KHDC1: variants seen among roughly 807,000 people sequenced by gnomAD.
KHDC1 encodes KH domain containing 1, also known as KH homology domain-containing protein 1.
A neutral mutation model predicts 24.7 loss-of-function variants in KHDC1; 21 were observed. That is an observed-to-expected ratio of 0.85 (90% CI 0.60 to 1.23). KHDC1 has a LOEUF of 1.23. Among genes scored for constraint, KHDC1 ranks in the 50% most tolerant of loss-of-function variants. The probability of loss-of-function intolerance (pLI) is 0.00; values close to 1 mark genes in which losing one functional copy is unlikely to be tolerated. For synonymous variants in KHDC1, 98 were observed against 111.7 expected (o/e 0.88, Z 0.77); for missense variants, 274 against 298.5 (o/e 0.92, Z 0.61).
At chr6:73,264,035 C>T (rs991318895) in intron 2 of KHDC1, among the ~76,000 whole-genome samples, 1 of 152,050 alleles carries the variant, frequency 6.6e-6, no homozygotes, top group African/African-American at 2.4e-5. Flanking sequence ...CTTGTCTCTA[C>T]AAAAAATTTA....
At chr6:73,292,713 T>C in intron 1 of KHDC1, 1 of 747,078 alleles carries the variant, frequency 1.3e-6, no homozygotes, top group Non-Finnish European at 2.5e-6. Context: ...CTTCACTATT[T>C]GACTACAGCA....
intron 2 of KHDC1, among the ~76,000 whole-genome samples, chr6:73,248,343 C>T (rs559019522): frequency 6.6e-5 from 10 of 151,746 alleles, no homozygotes; most frequent in Non-Finnish European, 1.2e-4. Flanking sequence ...TACTTTAATC[C>T]GATGTTCCAC....
intron 1 of KHDC1, among the ~76,000 whole-genome samples, chr6:73,298,081 C>T (rs899744242): frequency 3.3e-5 from 5 of 152,068 alleles, no homozygotes; most frequent in African/African-American, 1.2e-4. Flanking sequence ...TTCCCAGCTA[C>T]TCAGGAGGCT....
chr6:73,263,960 A>G (rs1767034188), intron 2 of KHDC1, among the ~76,000 whole-genome samples: 1 of 152,198 alleles, frequency 6.6e-6, no homozygotes, highest in Admixed American at 6.5e-5. Context: ...ACACTTTGGG[A>G]GGCCAAAGAG....
intron 2 of KHDC1, among the ~76,000 whole-genome samples, chr6:73,271,397 C>T (rs1024972184): frequency 1.3e-5 from 2 of 151,426 alleles, no homozygotes; most frequent in African/African-American, 4.8e-5. Flanking sequence ...TTAGTAGACA[C>T]AGGGTTTCAC....
chr6:73,295,623 AT>A (rs1469549644), intron 1 of KHDC1, among the ~76,000 whole-genome samples: 1 of 151,950 alleles, frequency 6.6e-6, no homozygotes, highest in Admixed American at 6.6e-5. Context: ...AGGCGGGCGG[AT>A]TACCTGAGGT....
chr6:73,272,835 T>C (rs1212086730), intron 2 of KHDC1, among the ~76,000 whole-genome samples: 1 of 150,362 alleles, frequency 6.7e-6, no homozygotes, highest in Non-Finnish European at 1.5e-5. Flanking sequence ...GGCTGGATAA[T>C]TTTTTCTTTT....
At chr6:73,262,867 T>C (rs1451504106) in intron 2 of KHDC1, 1 of 985,908 alleles carries the variant, frequency 1.0e-6, no homozygotes, top group Non-Finnish European at 1.2e-6. Flanking sequence ...GAGGGCAGAA[T>C]TCAGGACTGA....
At chr6:73,279,206 A>C (rs1767357871) in intron 2 of KHDC1, among the ~76,000 whole-genome samples, 2 of 152,212 alleles carry the variant, frequency 1.3e-5, no homozygotes, top group South Asian at 4.1e-4. Flanking sequence ...CAGGAGTTCA[A>C]GACCACCTTG....
At chr6:73,304,828 G>A (rs978698710) in intron 1 of KHDC1, among the ~76,000 whole-genome samples, 4 of 152,058 alleles carry the variant, frequency 2.6e-5, no homozygotes, top group African/African-American at 7.2e-5. Context: ...TCTGGGATGC[G>A]TTTTCTTTGG....
At chr6:73,292,191 T>C in intron 1 of KHDC1, 1 of 1,497,420 alleles carries the variant, frequency 6.7e-7, no homozygotes, top group Non-Finnish European at 9.3e-7. Context: ...AGAACCACAG[T>C]TGTTGCACAA....
chr6:73,307,058 T>G (rs1167172430), intron 1 of KHDC1, among the ~76,000 whole-genome samples: 3 of 152,110 alleles, frequency 2.0e-5, no homozygotes, highest in East Asian at 1.9e-4. Flanking sequence ...AAGACACAAC[T>G]ACCTTTTGAA....
At chr6:73,283,701 C>T (rs1456771487) in intron 2 of KHDC1, among the ~76,000 whole-genome samples, 6 of 146,598 alleles carry the variant, frequency 4.1e-5, no homozygotes, top group East Asian at 2.0e-4. Flanking sequence ...AGTGCAGTGG[C>T]GCGATCTTGG....
intron 2 of KHDC1, among the ~76,000 whole-genome samples, chr6:73,264,602 G>C (rs990128084): frequency 6.6e-6 from 1 of 152,198 alleles, no homozygotes; most frequent in Non-Finnish European, 1.5e-5. Context: ...GCAACTGATG[G>C]ACAGGAATAG....
At chr6:73,307,879 G>T (rs1378667994) in intron 1 of KHDC1, among the ~76,000 whole-genome samples, 1 of 152,008 alleles carries the variant, frequency 6.6e-6, no homozygotes, top group Non-Finnish European at 1.5e-5. Flanking sequence ...TGGATGTGGG[G>T]TAGGCGACAG....
intron 2 of KHDC1, among the ~76,000 whole-genome samples, chr6:73,265,952 G>A (rs555888394): frequency 2.0e-5 from 3 of 152,126 alleles, no homozygotes; most frequent in Non-Finnish European, 4.4e-5. Flanking sequence ...GACGAGGTCT[G>A]GCTTTGTTAC....
chr6:73,285,414 C>G (rs2150696023), intron 2 of KHDC1, among the ~76,000 whole-genome samples: 1 of 152,016 alleles, frequency 6.6e-6, no homozygotes, highest in Admixed American at 6.6e-5. Flanking sequence ...TCACTGCAAC[C>G]TCTGCCTCCC....
chr6:73,273,103 C>G (rs1456970978), intron 2 of KHDC1, among the ~76,000 whole-genome samples: 1 of 151,360 alleles, frequency 6.6e-6, no homozygotes, highest in African/African-American at 2.4e-5. Context: ...AGGTGATCCG[C>G]CCACCTCGGC....
chr6:73,290,191 C>A (rs192608837), intron 2 of KHDC1, among the ~76,000 whole-genome samples: 2 of 150,064 alleles, frequency 1.3e-5, no homozygotes, highest in African/African-American at 2.4e-5. Flanking sequence ...GCAGGGAAAT[C>A]GCTTGAACCC....
Sources: allele counts gnomAD v4.1 joint callset (sites outside exome capture counted in the v4.1 genomes callset), GRCh38; gene constraint gnomAD v4.1.1; transcripts MANE v1.5; gene names NCBI Gene and HGNC (gene_info 2026-07-23, HGNC 2026-07-21).